Variants in COG5 observed in about 807,000 individuals in gnomAD.
COG5 encodes component of oligomeric golgi complex 5.
COG5 carries 86 observed loss-of-function variants against 110.4 expected under a neutral mutation model. The ratio of observed to expected loss-of-function variants is 0.78; its 90% CI spans 0.65 to 0.93. The LOEUF is 0.93. Ranked by LOEUF, COG5 falls within the 40% of genes least tolerant of loss-of-function variation. The probability of loss-of-function intolerance (pLI) is 0.00; values close to 1 mark genes in which losing one functional copy is unlikely to be tolerated. For missense variants in COG5, 1,077 were observed against 987.0 expected, an observed-to-expected ratio of 1.09 and a Z score of -1.22; for synonymous variants, 360 against 334.6, an observed-to-expected ratio of 1.08 and a Z score of -0.83.
At chr7:107,431,582 C>G (rs1208329000) in intron 6 of COG5, among the ~76,000 whole-genome samples, 1 of 152,134 alleles carries the variant, frequency 6.6e-6, no homozygotes, top group Non-Finnish European at 1.5e-5. Context: ...CAAACTCTAT[C>G]ATCTTACTAT....
At chr7:107,496,586 G>A (rs1295822942) in intron 6 of COG5, among the ~76,000 whole-genome samples, 1 of 149,912 alleles carries the variant, frequency 6.7e-6, no homozygotes, top group Non-Finnish European at 1.5e-5. Flanking sequence ...CTTGAACCCA[G>A]AAGGCAGAGG....
chr7:107,207,161 C>T (rs527845612), intron 21 of COG5, among the ~76,000 whole-genome samples: 67 of 152,338 alleles, frequency 4.4e-4, no homozygotes, highest in African/African-American at 1.5e-3. Flanking sequence ...CTTAAAGATA[C>T]ACTACATGCC....
intron 16 of COG5, among the ~76,000 whole-genome samples, chr7:107,249,221 A>C (rs1263231482): frequency 1.3e-5 from 2 of 152,092 alleles, no homozygotes; most frequent in Non-Finnish European, 2.9e-5. Context: ...TTTGTTCCCC[A>C]GGAAACATTT....
intron 14 of COG5, among the ~76,000 whole-genome samples, chr7:107,264,060 A>G (rs903429734): frequency 2.6e-5 from 4 of 152,210 alleles, no homozygotes; most frequent in African/African-American, 9.6e-5. Context: ...ATTATAGATT[A>G]CTTATAAATT....
intron 11 of COG5, among the ~76,000 whole-genome samples, chr7:107,312,483 GTTT>G (rs1808354337): frequency 6.6e-6 from 1 of 152,176 alleles, no homozygotes; most frequent in African/African-American, 2.4e-5. Context: ...TCTTGCTCAT[GTTT>G]GGGTGGGCAT....
chr7:107,204,937 T>C (rs1308178692), intron 21 of COG5, among the ~76,000 whole-genome samples: 2 of 152,204 alleles, frequency 1.3e-5, no homozygotes, highest in Non-Finnish European at 2.9e-5. Flanking sequence ...CACCATCAAC[T>C]TAAGGTCTCT....
At chr7:107,443,951 A>G (rs1794865864) in intron 6 of COG5, among the ~76,000 whole-genome samples, 1 of 152,258 alleles carries the variant, frequency 6.6e-6, no homozygotes, top group African/African-American at 2.4e-5. Context: ...AGGAATCTAC[A>G]GATTCTGCAC....
At chr7:107,389,272 C>T (rs948573939) in intron 7 of COG5, among the ~76,000 whole-genome samples, 2 of 149,658 alleles carry the variant, frequency 1.3e-5, no homozygotes, top group Non-Finnish European at 2.9e-5. Context: ...CCTATAATAA[C>T]GTGACTGCTT....
At chr7:107,556,576 C>A (rs1410709329) in intron 2 of COG5, among the ~76,000 whole-genome samples, 1 of 152,208 alleles carries the variant, frequency 6.6e-6, no homozygotes, top group African/African-American at 2.4e-5. Flanking sequence ...GAACTCTAGA[C>A]AAAACTAAAT....
chr7:107,415,668 A>G (rs1021682082), intron 6 of COG5, among the ~76,000 whole-genome samples: 5 of 151,512 alleles, frequency 3.3e-5, no homozygotes, highest in African/African-American at 4.8e-5. Flanking sequence ...TACAGTGTTA[A>G]TTGCAACAGT....
intron 6 of COG5, among the ~76,000 whole-genome samples, chr7:107,511,064 T>C (rs918196725): frequency 1.4e-5 from 2 of 147,550 alleles, no homozygotes; most frequent in African/African-American, 2.5e-5. Context: ...CTGAAGGAAA[T>C]AGAGACACAA....
chr7:107,226,640 G>A (rs565322079), intron 19 of COG5, among the ~76,000 whole-genome samples: 121 of 152,318 alleles, frequency 7.9e-4, no homozygotes, highest in Non-Finnish European at 1.5e-3. Flanking sequence ...GGCAGAGGCC[G>A]CAGCACATGC....
At chr7:107,550,897 T>TC (rs1802838979) in intron 3 of COG5, among the ~76,000 whole-genome samples, 1 of 151,708 alleles carries the variant, frequency 6.6e-6, no homozygotes, top group African/African-American at 2.4e-5. Flanking sequence ...CTTTGTTTTT[T>TC]TTTTTTTATC....
At chr7:107,454,010 AC>A (rs1300411813) in intron 6 of COG5, among the ~76,000 whole-genome samples, 1 of 152,168 alleles carries the variant, frequency 6.6e-6, no homozygotes, top group African/African-American at 2.4e-5. Context: ...CATTAATGAT[AC>A]TATTTTAAGT....
chr7:107,383,473 C>A (rs1815305536), intron 7 of COG5, among the ~76,000 whole-genome samples: 1 of 152,174 alleles, frequency 6.6e-6, no homozygotes, highest in South Asian at 2.1e-4. Context: ...GTCTAGGGAA[C>A]TCCAAGATTA....
At chr7:107,344,769 C>T (rs1218509301) in intron 10 of COG5, among the ~76,000 whole-genome samples, 2 of 152,290 alleles carry the variant, frequency 1.3e-5, no homozygotes, top group East Asian at 3.9e-4. Flanking sequence ...GGTGATTCAC[C>T]CACCTCGGCC....
intron 10 of COG5, among the ~76,000 whole-genome samples, chr7:107,335,845 T>G (rs1810656211): frequency 6.6e-6 from 1 of 152,082 alleles, no homozygotes; most frequent in Non-Finnish European, 1.5e-5. Context: ...TAAAAGAGAC[T>G]ACAAGCCAAA....
At chr7:107,338,263 T>C (rs534760416) in intron 10 of COG5, among the ~76,000 whole-genome samples, 404 of 152,212 alleles carry the variant, frequency 2.7e-3, no homozygotes, top group Non-Finnish European at 4.4e-3. Context: ...AAAGCTTCCA[T>C]AATCAAAACA....
intron 6 of COG5, among the ~76,000 whole-genome samples, chr7:107,427,492 AGAT>A (rs1399304507): frequency 6.6e-6 from 1 of 152,156 alleles, no homozygotes; most frequent in Non-Finnish European, 1.5e-5. Context: ...ATGCAAAAAA[AGAT>A]GTACTGAAGT....
Sources: gnomAD v4.1 joint callset for allele counts (sites outside exome capture counted in the v4.1 genomes callset) on GRCh38, gnomAD v4.1.1 for gene constraint, MANE v1.5 for transcripts, NCBI Gene and HGNC (gene_info 2026-07-23, HGNC 2026-07-21) for gene names.